Variants in SEC24A observed in about 807,000 individuals in gnomAD.
The protein encoded by SEC24A is protein transport protein Sec24A.
Under a neutral mutation model 129.4 loss-of-function variants are expected in SEC24A, and 93 were observed. The ratio of observed to expected loss-of-function variants is 0.72; its 90% CI spans 0.61 to 0.85. SEC24A has a LOEUF of 0.85. Among genes scored for constraint, SEC24A ranks in the 40% least tolerant of loss-of-function variants. The pLI is 0.00. For synonymous variants in SEC24A, 460 were observed against 467.3 expected (o/e 0.98, Z 0.20); for missense variants, 1,264 against 1,307.4 (o/e 0.97, Z 0.51).
In SEC24A at chr5:134,714,087, T is replaced by C. The variant is rs187599279; in HGVS notation, c.2728-937T>C. Among the ~76,000 whole-genome samples, 437 of 152,246 alleles carry C rather than the reference T, an allele frequency of 2.9e-3. 9 individuals carry two copies. The highest frequency in any genetic ancestry group is 0.028 in the Admixed American group (424 of 15,276). ...AACTTTTTTCTTCTCCATTTTTATCTGTGTAAAGAAAATAATAACAGTTAA... is the reference window on the plus strand; with the variant it reads ...AACTTTTTTCTTCTCCATTTTTATCCGTGTAAAGAAAATAATAACAGTTAA... On this transcript the variant is annotated intron_variant, in intron 18 of 22. Coordinates refer to ENST00000398844, the MANE Select transcript of SEC24A (RefSeq NM_021982.3).
At chr5:134,704,148 C>A (rs1410484816) in intron 16 of SEC24A, among the ~76,000 whole-genome samples, 3 of 152,088 alleles carry the variant, frequency 2.0e-5, no homozygotes, top group African/African-American at 7.2e-5. Context: ...CTGCTCACTG[C>A]AACCTCTGCC....
chr5:134,693,508 C>G, intron 12 of SEC24A: 1 of 1,417,468 alleles, frequency 7.1e-7, no homozygotes, highest in Non-Finnish European at 9.2e-7. Context: ...ACTGCATGTG[C>G]AAGAACTGTA....
At chr5:134,718,811 T>C (rs1752550340) in intron 20 of SEC24A, among the ~76,000 whole-genome samples, 1 of 151,558 alleles carries the variant, frequency 6.6e-6, no homozygotes, top group Admixed American at 6.6e-5. Flanking sequence ...CTACTAAAAA[T>C]ACAAAGAAAT....
At chr5:134,704,303 C>G (rs1455290570) in intron 16 of SEC24A, among the ~76,000 whole-genome samples, 2 of 151,980 alleles carry the variant, frequency 1.3e-5, no homozygotes, top group Non-Finnish European at 2.9e-5. Context: ...CTCTTGACCT[C>G]GTGATCTGCC....
At chr5:134,689,012 C>G (rs796124932) in intron 11 of SEC24A, among the ~76,000 whole-genome samples, 1 of 152,068 alleles carries the variant, frequency 6.6e-6, no homozygotes, top group Non-Finnish European at 1.5e-5. Flanking sequence ...GTGCCTAGAA[C>G]AATCAGTGGG....
intron 7 of SEC24A, among the ~76,000 whole-genome samples, chr5:134,676,960 G>C (rs1751087952): frequency 6.6e-6 from 1 of 152,000 alleles, no homozygotes; most frequent in African/African-American, 2.4e-5. Flanking sequence ...ATAGAATAGA[G>C]GTACTGAGAG....
intron 1 of SEC24A, among the ~76,000 whole-genome samples, chr5:134,658,611 G>A (rs1750331791): frequency 6.6e-6 from 1 of 152,054 alleles, no homozygotes; most frequent in Non-Finnish European, 1.5e-5. Flanking sequence ...GTCTCGCTGT[G>A]TTGCCCAGGC....
In SEC24A at chr5:134,723,672, T is replaced by G. The variant is rs2150115837; in HGVS notation, c.3167+2T>G. On this transcript the variant is annotated splice_donor_variant, in intron 22 of 22. Coordinates refer to ENST00000398844, the MANE Select transcript of SEC24A (RefSeq NM_021982.3). LOFTEE classifies it high-confidence loss of function. The stretch of plus-strand genomic sequence containing the variant: ...TTTCCCAATACTTTATGTAATAAGG[T>G]AAGTTGAATTTTCCATTTGCTAGTA... The G allele has an allele frequency of 6.4e-7, 1 of 1,566,258 alleles. No individual in the cohort carries two copies. Among genetic ancestry groups the G allele is most frequent in the Non-Finnish European group, 8.8e-7 (1 of 1,137,656 alleles).
intron 7 of SEC24A, among the ~76,000 whole-genome samples, chr5:134,677,942 T>G (rs1289139317): frequency 1.3e-5 from 2 of 152,182 alleles, no homozygotes; most frequent in East Asian, 3.8e-4. Context: ...TTCACCTGTC[T>G]CAGGGTTTCT....
At chr5:134,690,194 A>T (rs1012335767) in intron 11 of SEC24A, among the ~76,000 whole-genome samples, 1 of 152,056 alleles carries the variant, frequency 6.6e-6, no homozygotes, top group African/African-American at 2.4e-5. Context: ...AATTTTTTGT[A>T]TTTTTAGTAG....
intron 8 of SEC24A, 77 bp downstream of exon 8, chr5:134,679,805 TAA>T (rs765354080): frequency 8.3e-4 from 774 of 929,486 alleles, no homozygotes; most frequent in Non-Finnish European, 9.4e-4. Flanking sequence ...AATGCACAGT[TAA>T]AAAAAAAAAA....
Position 134,721,072 on chromosome 5 carries a change from A to G in SEC24A, c.3045A>G (p.Ala1015=). 6.2e-7 allele frequency: 1 copy of G among 1,608,410 alleles called. No homozygotes were observed. The change falls in exon 21 of 23, where the codon GCA becomes GCG. Residue 1015 remains alanine, a synonymous_variant. Coordinates refer to ENST00000398844, the MANE Select transcript of SEC24A (RefSeq NM_021982.3). ...AAGTTCTAGGAGTTCAAAACTATGC[A>G]TCAATTCCACAGCCTATGGTAAGAC... ...LSQVLGVQNY[A]SIPQPMTDLP...
At chr5:134,712,665 C>A (rs1257110208) in intron 18 of SEC24A, among the ~76,000 whole-genome samples, 4 of 152,086 alleles carry the variant, frequency 2.6e-5, no homozygotes, top group Admixed American at 1.3e-4. Context: ...GTTGCCCAGG[C>A]TGGAGTGCAG....
At chr5:134,715,947 C>T (rs563303316) in intron 19 of SEC24A, among the ~76,000 whole-genome samples, 2 of 150,716 alleles carry the variant, frequency 1.3e-5, no homozygotes, top group Admixed American at 1.3e-4. Context: ...CAGAATGGAA[C>T]AAGTGCACGT....
chr5:134,659,900 G>A (rs6880866), intron 1 of SEC24A, among the ~76,000 whole-genome samples: 6 of 151,902 alleles, frequency 3.9e-5, no homozygotes, highest in East Asian at 1.9e-4. Flanking sequence ...CTATCTGCCC[G>A]CCTTGGCCTC....
At chr5:134,711,603 G>A (rs1002080930) in intron 18 of SEC24A, among the ~76,000 whole-genome samples, 4 of 129,694 alleles carry the variant, frequency 3.1e-5, no homozygotes, top group South Asian at 2.4e-4. Flanking sequence ...TCGCTATGTC[G>A]CCCAGGCTGG....
intron 7 of SEC24A, among the ~76,000 whole-genome samples, chr5:134,677,823 G>A (rs558805907): frequency 6.2e-4 from 93 of 149,100 alleles, no homozygotes; most frequent in Middle Eastern, 3.4e-3. Flanking sequence ...GCAATAGAGT[G>A]AGACTGTCTC....
intron 4 of SEC24A, among the ~76,000 whole-genome samples, chr5:134,673,747 A>G (rs1349017383): frequency 6.6e-6 from 1 of 152,196 alleles, no homozygotes; most frequent in African/African-American, 2.4e-5. Flanking sequence ...GGCATGAGTC[A>G]CCACACCCAG....
In SEC24A at chr5:134,703,743, C is replaced by T. The variant is rs764880416; in HGVS notation, c.2267-16C>T. 4.5e-6 allele frequency: 7 copies of T among 1,570,306 alleles called. No homozygotes were observed. In the African/African-American group the frequency reaches 8.1e-5, roughly 18 times the overall value. ...TAGGTATATAAAAATAATTTTGTTA[C>T]CTTTTTCTCTTCTAGGTCTTTCCAT... On this transcript the variant is annotated splice_polypyrimidine_tract_variant and intron_variant, in intron 15 of 22. Transcript: ENST00000398844.
Sources: allele counts gnomAD v4.1 joint callset (sites outside exome capture counted in the v4.1 genomes callset), GRCh38; gene constraint gnomAD v4.1.1; transcripts MANE v1.5; gene names NCBI Gene and HGNC (gene_info 2026-07-23, HGNC 2026-07-21).